Variants in ATP13A3 observed in about 807,000 individuals in gnomAD.
ATP13A3 encodes the protein polyamine-transporting ATPase 13A3.
Under a neutral mutation model 158.1 loss-of-function variants are expected in ATP13A3, and 59 were observed. The ratio of observed to expected loss-of-function variants is 0.37; its 90% CI spans 0.30 to 0.46. The LOEUF (loss-of-function observed/expected upper bound fraction) is 0.46, where lower values mean the gene tolerates loss of function less well. Among genes scored for constraint, ATP13A3 ranks in the 20% least tolerant of loss-of-function variants. The pLI, the probability that ATP13A3 is intolerant of heterozygous loss-of-function variation, is 1.00. For missense variants in ATP13A3, 1,166 were observed against 1,525.2 expected, an observed-to-expected ratio of 0.76 and a Z score of 3.92; for synonymous variants, 491 against 504.3, an observed-to-expected ratio of 0.97 and a Z score of 0.35.
At chr3:194,489,424 G>A (rs1208764798), upstream of ATP13A3, among the ~76,000 whole-genome samples, 1 of 151,934 alleles carries the variant, frequency 6.6e-6, no homozygotes, top group African/African-American at 2.4e-5. The surrounding 1 kb of genome is among the most constrained non-coding windows in gnomAD (Gnocchi z 4.1). Flanking sequence ...CTCTGGCCAA[G>A]AAGAGCAAAA....
chr3:194,432,895 T>C (rs960984408), intron 21 of ATP13A3, among the ~76,000 whole-genome samples: 2 of 152,022 alleles, frequency 1.3e-5, no homozygotes, highest in Non-Finnish European at 2.9e-5. Context: ...ATCAACAGTA[T>C]AGTAACATCA....
In ATP13A3 at chr3:194,437,439, C is replaced by A. The variant is rs201073939; in HGVS notation, c.1871G>T (p.Arg624Leu). 3.0e-5 allele frequency: 48 copies of A among 1,614,046 alleles called. No homozygotes were observed. The highest frequency in any genetic ancestry group is 4.1e-5 in the Non-Finnish European group (48 of 1,180,042). ...LPATYEIGIV[R>L]QFPFSSALQR... ...CAAAGCAGAAGAAAATGGGAACTGG[C>A]GAACAATTCCTATCTCATAAGTAGC... Residue 624 changes from arginine (R) to leucine (L), a missense_variant, in exon 19 of 34, where the codon CGC (arginine) becomes CTC (leucine). Arg to Leu is a moderately radical substitution (Grantham distance 102). This residue lies in a region of ATP13A3 where 997 missense variants were observed against 1,341.2 expected (regional missense o/e 0.74). Coordinates refer to ENST00000645319, the MANE Select transcript of ATP13A3 (RefSeq NM_001367549.1).
intron 17 of ATP13A3, among the ~76,000 whole-genome samples, chr3:194,438,407 T>C (rs1387422941): frequency 6.6e-6 from 1 of 152,236 alleles, no homozygotes; most frequent in Non-Finnish European, 1.5e-5. Flanking sequence ...ACATACTTTT[T>C]ATTAAATTCT....
At position 194,431,306 on chromosome 3, in the gene ATP13A3, A is replaced by C. The variant is rs957777669; in HGVS notation, c.2422-80T>G. 25 of 1,431,196 alleles carry C rather than the reference A, an allele frequency of 1.7e-5. No individual in the cohort carries two copies. The East Asian group carries it at 5.8e-4, about 33-fold the overall frequency. The allele number at this position is 1,431,196 out of a possible 1,614,324, so 88.7% of individuals were successfully genotyped here. A position where few individuals can be genotyped will look rare whatever the true frequency, so the allele number is the denominator to read the frequency against. On this transcript the variant is annotated intron_variant, in intron 22 of 33. Transcript: ENST00000645319. ...ATTCTATTTTAAACATATTTGTTCT[A>C]AAACTGAATTCTTTCATTTGATATG... is the stretch of plus-strand genomic sequence containing the variant.
At chr3:194,461,177 G>T (rs1302469497) in intron 3 of ATP13A3, among the ~76,000 whole-genome samples, 1 of 151,604 alleles carries the variant, frequency 6.6e-6, no homozygotes, top group African/African-American at 2.4e-5. Flanking sequence ...AATTTATCTT[G>T]TTATGAGGTG....
At chr3:194,474,034 C>CG (rs1257412709) in intron 2 of ATP13A3, among the ~76,000 whole-genome samples, 1 of 152,156 alleles carries the variant, frequency 6.6e-6, no homozygotes, top group Non-Finnish European at 1.5e-5. Context: ...CTACCATTAA[C>CG]GGTTTCTTCA....
chr3:194,431,160 T>C lies in ATP13A3; in HGVS notation c.2488A>G (p.Met830Val), dbSNP rs1230803970. ...ATCACTGAGAATGATTTTCCATTCA[T>C]TGCAAAATGATAACGAGTCATTTGA... is the stretch of plus-strand genomic sequence containing the variant. ...DLQMTRYHFA[M>V]NGKSFSVILE... Residue 830 changes from methionine to valine, a missense_variant, in exon 23 of 34, where the codon ATG becomes GTG. By Grantham distance (21) the Met-to-Val change is conservative (BLOSUM62 1). Transcript: ENST00000645319. The C allele has an allele frequency of 1.2e-6, 2 of 1,613,872 alleles. No individual in the cohort carries two copies. Among genetic ancestry groups the C allele is most frequent in the East Asian group, 2.2e-5 (1 of 44,874 alleles).
intron 2 of ATP13A3, among the ~76,000 whole-genome samples, chr3:194,471,359 A>G (rs1720299090): frequency 6.6e-6 from 1 of 151,274 alleles, no homozygotes; most frequent in African/African-American, 2.4e-5. Context: ...AAAAGAAAAG[A>G]AAAAGAAAAT....
chr3:194,423,940 T>TA (rs11375155), intron 30 of ATP13A3, among the ~76,000 whole-genome samples: 28,195 of 143,628 alleles, frequency 0.2, 4,389 homozygotes, highest in African/African-American at 0.44. Context: ...TTCTTCAAAT[T>TA]AAAAAAAAAA....
intron 30 of ATP13A3, among the ~76,000 whole-genome samples, chr3:194,422,570 A>G (rs892011969): frequency 2.0e-5 from 3 of 152,188 alleles, no homozygotes; most frequent in African/African-American, 7.2e-5. Context: ...ATTTTTAAGT[A>G]TTCAAAGTAT....
intron 31 of ATP13A3, among the ~76,000 whole-genome samples, chr3:194,418,119 C>G (rs2108756946): frequency 6.6e-6 from 1 of 151,894 alleles, no homozygotes; most frequent in East Asian, 1.9e-4. Context: ...CTTCAATAAG[C>G]AATTGCTGAA....
At chr3:194,484,340 G>T (rs1720882156) in intron 2 of ATP13A3, among the ~76,000 whole-genome samples, 1 of 152,126 alleles carries the variant, frequency 6.6e-6, no homozygotes, top group Non-Finnish European at 1.5e-5. Flanking sequence ...GGCACATAAT[G>T]GTTTCTTTCC....
At chr3:194,413,921 T>C in intron 31 of ATP13A3, 82 bp from the exon 32 acceptor site, 1 of 1,186,668 alleles carries the variant, frequency 8.4e-7, no homozygotes, top group Non-Finnish European at 1.3e-6. Context: ...CTAAATTTAT[T>C]GAATTCCTAT....
intron 11 of ATP13A3, among the ~76,000 whole-genome samples, chr3:194,449,256 T>C (rs149005542): frequency 6.6e-6 from 1 of 152,314 alleles, no homozygotes; most frequent in African/African-American, 2.4e-5. Flanking sequence ...TTTGTTTGTG[T>C]GTTTTAAGAT....
chr3:194,406,194 C>A, intron 33 of ATP13A3, 78 bp from the exon 34 acceptor site: 2 of 1,368,472 alleles, frequency 1.5e-6, no homozygotes, highest in Non-Finnish European at 2.0e-6. Context: ...TTTGTTAAAG[C>A]ACACATTAGC....
intron 2 of ATP13A3, among the ~76,000 whole-genome samples, chr3:194,467,714 A>G (rs536859473): frequency 1.5e-4 from 23 of 152,326 alleles, no homozygotes; most frequent in African/African-American, 4.3e-4. Flanking sequence ...TTTTAAATGT[A>G]CATAAGTAAA....
At position 194,429,617 on chromosome 3, in the gene ATP13A3, T is replaced by A; in HGVS notation, c.2874+61A>T. The A allele has an allele frequency of 1.5e-6, 2 of 1,318,126 alleles. 1 individual carries two copies. Among genetic ancestry groups the A allele is most frequent in the South Asian group, 2.7e-5 (2 of 75,376 alleles). 81.7% of individuals were successfully genotyped at this position (1,318,126 alleles called of 1,614,324 possible). On this transcript the variant is annotated intron_variant, in intron 27 of 33. Coordinates refer to ENST00000645319, the MANE Select transcript of ATP13A3 (RefSeq NM_001367549.1). Reference sequence around the variant, plus strand: ...TGCATTCAAAATCAAACACATACGCTCAACATCTTAATTTACGGTGCACAT... The same window carrying A: ...TGCATTCAAAATCAAACACATACGCACAACATCTTAATTTACGGTGCACAT...
chr3:194,473,900 T>C (rs1233091459), intron 2 of ATP13A3, among the ~76,000 whole-genome samples: 1 of 152,166 alleles, frequency 6.6e-6, no homozygotes, highest in Non-Finnish European at 1.5e-5. Context: ...AAAAGGAATA[T>C]GTCTAATACA....
intron 2 of ATP13A3, among the ~76,000 whole-genome samples, chr3:194,474,163 G>C (rs1198332501): frequency 6.6e-6 from 1 of 152,110 alleles, no homozygotes. Context: ...AAATAAAAGA[G>C]TTTTTCGGGT....
Sources: allele counts gnomAD v4.1 joint callset (sites outside exome capture counted in the v4.1 genomes callset), GRCh38; gene constraint gnomAD v4.1.1; regional missense constraint gnomAD v4.1.1; non-coding constraint Gnocchi (gnomAD v3.1); transcripts MANE v1.5; gene names NCBI Gene and HGNC (gene_info 2026-07-23, HGNC 2026-07-21).